Variants in GBE1 observed in about 807,000 individuals in gnomAD.
GBE1 encodes the protein 1,4-alpha-glucan-branching enzyme.
In GBE1, 70 loss-of-function variants were observed where a neutral mutation model predicts 88.8. The observed-to-expected ratio is 0.79, with a 90% CI of 0.65 to 0.96. The LOEUF is 0.96. Ranked by LOEUF, GBE1 falls within the 40% of genes least tolerant of loss-of-function variation. GBE1 has a pLI of 0.00. For missense variants in GBE1, 872 were observed against 871.0 expected (o/e 1.00, Z -0.01); for synonymous variants, 284 against 300.1 (o/e 0.95, Z 0.56).
intron 1 of GBE1, among the ~76,000 whole-genome samples, chr3:81,721,548 A>G (rs1168295702): frequency 6.6e-6 from 1 of 152,166 alleles, no homozygotes; most frequent in Non-Finnish European, 1.5e-5. Context: ...ACCTTTCCCA[A>G]GACTGAGTTC....
intron 2 of GBE1, among the ~76,000 whole-genome samples, chr3:81,695,211 A>G (rs1705574036): frequency 6.6e-6 from 1 of 152,226 alleles, no homozygotes; most frequent in African/African-American, 2.4e-5. Context: ...ACACATTTTC[A>G]TAACAGTAAA....
At chr3:81,694,493 A>G (rs1705565279) in intron 2 of GBE1, among the ~76,000 whole-genome samples, 2 of 152,098 alleles carry the variant, frequency 1.3e-5, no homozygotes, top group African/African-American at 4.8e-5. Context: ...GGAGGGGAGA[A>G]TTCTCCAGCT....
At chr3:81,572,468 C>G (rs1187936445) in intron 12 of GBE1, among the ~76,000 whole-genome samples, 1 of 152,046 alleles carries the variant, frequency 6.6e-6, no homozygotes, top group African/African-American at 2.4e-5. Context: ...GATTTTTAAG[C>G]AGGTTATTTT....
At chr3:81,752,324 T>C (rs1706541947) in intron 1 of GBE1, among the ~76,000 whole-genome samples, 1 of 152,214 alleles carries the variant, frequency 6.6e-6, no homozygotes, top group South Asian at 2.1e-4. Context: ...TGCTATTATA[T>C]ATTTTTTCTT....
intron 2 of GBE1, among the ~76,000 whole-genome samples, chr3:81,688,649 C>T (rs1299787991): frequency 1.3e-5 from 2 of 151,996 alleles, no homozygotes; most frequent in African/African-American, 4.8e-5. Context: ...TTAAAATGCA[C>T]AAAAGATTTA....
intron 2 of GBE1, among the ~76,000 whole-genome samples, chr3:81,678,357 G>C (rs1256550257): frequency 6.6e-6 from 1 of 152,126 alleles, no homozygotes; most frequent in Non-Finnish European, 1.5e-5. Context: ...CTAAGACCTA[G>C]AGCTTCACTT....
At position 81,691,432 on chromosome 3, in the gene GBE1, G is replaced by T. The variant is rs376458168; in HGVS notation, c.313+14012C>A. 5.3e-5 allele frequency among the ~76,000 whole-genome samples: 8 copies of T among 152,194 alleles called. No homozygotes were observed. In the East Asian group the frequency reaches 1.5e-3, roughly 29 times the overall value. ...GTACAATTACTCTGAGATACTTTGT[G>T]CTAGTCAGCATGACCTAATCATAAA... On this transcript the variant is annotated intron_variant, in intron 2 of 15. Coordinates refer to ENST00000429644, the MANE Select transcript of GBE1 (RefSeq NM_000158.4).
Position 81,490,224 on chromosome 3 carries a change from A to C in GBE1, c.*183T>G. The C allele has an allele frequency of 5.2e-6, 3 of 576,634 alleles. No homozygotes were observed. The South Asian group carries it at 7.1e-5, about 14-fold the overall frequency. 35.7% of individuals were successfully genotyped at this position (576,634 alleles called of 1,614,324 possible). On this transcript the variant is annotated 3_prime_UTR_variant, in exon 16 of 16. Transcript: ENST00000429644. The stretch of plus-strand genomic sequence containing the variant: ...CTAGGATTCCTAATATTTTAAACAT[A>C]TTCTCCCATCTACTTAAATAAAAGT...
chr3:81,744,388 T>G (rs1007776260), intron 1 of GBE1, among the ~76,000 whole-genome samples: 28 of 152,288 alleles, frequency 1.8e-4, no homozygotes, highest in African/African-American at 5.8e-4. Flanking sequence ...ACTAGAAAAG[T>G]TTAAATTACC....
At chr3:81,702,468 T>C (rs367928804) in intron 2 of GBE1, among the ~76,000 whole-genome samples, 8 of 152,006 alleles carry the variant, frequency 5.3e-5, no homozygotes, top group African/African-American at 1.9e-4. Flanking sequence ...AAATTAGACA[T>C]TTAAGTTTCC....
intron 7 of GBE1, among the ~76,000 whole-genome samples, chr3:81,624,963 C>G (rs2107020536): frequency 6.6e-6 from 1 of 152,118 alleles, no homozygotes; most frequent in Non-Finnish European, 1.5e-5. Flanking sequence ...ATCAGCATAG[C>G]AGGGAAAAGA....
intron 7 of GBE1, among the ~76,000 whole-genome samples, chr3:81,596,382 AC>A (rs1313226126): frequency 1.3e-5 from 2 of 151,882 alleles, no homozygotes; most frequent in Non-Finnish European, 2.9e-5. Context: ...GGTGTGCTGC[AC>A]CCAGTAACTC....
chr3:81,683,916 A>T (rs1400786089), intron 2 of GBE1, among the ~76,000 whole-genome samples: 1 of 152,238 alleles, frequency 6.6e-6, no homozygotes. Context: ...AGCAAAGGCC[A>T]TCTCAAAACT....
chr3:81,576,346 A>G (rs549425202), intron 12 of GBE1, among the ~76,000 whole-genome samples: 1 of 152,160 alleles, frequency 6.6e-6, no homozygotes, highest in Non-Finnish European at 1.5e-5. Context: ...AGCAGTTATC[A>G]TCTTCTATTT....
chr3:81,599,399 G>A (rs1323776024), intron 7 of GBE1, among the ~76,000 whole-genome samples: 2 of 151,880 alleles, frequency 1.3e-5, no homozygotes, highest in East Asian at 1.9e-4. Context: ...GGATAGGATG[G>A]AAAAAGACAA....
At position 81,705,649 on chromosome 3, in the gene GBE1, T is replaced by C. The variant is rs753051142; in HGVS notation, c.144-36A>G. On this transcript the variant is annotated intron_variant, in intron 1 of 15. Coordinates refer to ENST00000429644, the MANE Select transcript of GBE1 (RefSeq NM_000158.4). ...GTATGAAAGAAAATGAGTTAGAAAATTAAATAGTCTTCTAGAAAAGCTACT... is the reference window on the plus strand; with the variant it reads ...GTATGAAAGAAAATGAGTTAGAAAACTAAATAGTCTTCTAGAAAAGCTACT... The C allele has an allele frequency of 1.7e-5, 24 of 1,391,994 alleles. No homozygotes were observed. In the Admixed American group the frequency reaches 6.6e-4, roughly 38 times the overall value. The allele number at this position is 1,391,994 out of a possible 1,614,324, so 86.2% of individuals were successfully genotyped here.
intron 2 of GBE1, among the ~76,000 whole-genome samples, chr3:81,683,741 A>G (rs1705391784): frequency 6.6e-6 from 1 of 152,206 alleles, no homozygotes; most frequent in Non-Finnish European, 1.5e-5. Context: ...CTATCCAGAC[A>G]CATGTTTGGT....
chr3:81,519,014 T>C lies in GBE1; in HGVS notation c.1934+16181A>G, dbSNP rs150442165. On this transcript the variant is annotated intron_variant, in intron 14 of 15. Coordinates refer to ENST00000429644, the MANE Select transcript of GBE1 (RefSeq NM_000158.4). ...CTTTACATATATAATCTGGATAGAATGTGGTAGTTAGCTAATCCTAAATTA... is the reference window on the plus strand; with the variant it reads ...CTTTACATATATAATCTGGATAGAACGTGGTAGTTAGCTAATCCTAAATTA... Among the ~76,000 whole-genome samples, 14 of 151,752 alleles carry C rather than the reference T, an allele frequency of 9.2e-5. No individual in the cohort carries two copies. In the East Asian group the frequency reaches 2.5e-3, roughly 27 times the overall value.
chr3:81,652,670 T>C (rs1416354887), intron 3 of GBE1, among the ~76,000 whole-genome samples: 2 of 152,216 alleles, frequency 1.3e-5, no homozygotes, highest in Non-Finnish European at 2.9e-5. Flanking sequence ...TTATAGTAAC[T>C]TAGGTTTTAC....
Sources: gnomAD v4.1 joint callset for allele counts (sites outside exome capture counted in the v4.1 genomes callset) on GRCh38, gnomAD v4.1.1 for gene constraint, MANE v1.5 for transcripts, NCBI Gene and HGNC (gene_info 2026-07-23, HGNC 2026-07-21) for gene names.